The following TUB variants were observed in gnomAD, a reference collection of about 807,000 sequenced individuals.
The protein encoded by TUB is tubby protein homolog.
In TUB, 33 loss-of-function variants were observed where a neutral mutation model predicts 59.7. The ratio of observed to expected loss-of-function variants is 0.55; its 90% CI spans 0.42 to 0.74. The LOEUF (loss-of-function observed/expected upper bound fraction) is 0.74, where lower values mean the gene tolerates loss of function less well. Among genes scored for constraint, TUB ranks in the 30% least tolerant of loss-of-function variants. The probability of loss-of-function intolerance (pLI) is 0.00; values close to 1 mark genes in which losing one functional copy is unlikely to be tolerated. For missense variants in TUB, 659 were observed against 672.0 expected (o/e 0.98, Z 0.21); for synonymous variants, 293 against 256.4 (o/e 1.14, Z -1.36).
intron 1 of TUB, among the ~76,000 whole-genome samples, chr11:8,019,889 C>T (rs1327254959): frequency 6.6e-6 from 1 of 152,150 alleles, no homozygotes; most frequent in Admixed American, 6.5e-5. Context: ...GAGATGGCAG[C>T]CTGGGCCGGC....
At chr11:8,037,499 T>A (rs903056197), upstream of TUB, among the ~76,000 whole-genome samples, 1 of 152,180 alleles carries the variant, frequency 6.6e-6, no homozygotes, top group Non-Finnish European at 1.5e-5. Context: ...TGGGGTGGGG[T>A]CAGCAATGTC....
intron 2 of TUB, among the ~76,000 whole-genome samples, chr11:8,057,517 G>A (rs1049747038): frequency 1.3e-5 from 2 of 152,178 alleles, no homozygotes; most frequent in Admixed American, 6.5e-5. Context: ...AGACATAAGT[G>A]ATTAACTTCT....
At chr11:8,046,081 C>G (rs1180065903) in intron 2 of TUB, among the ~76,000 whole-genome samples, 4 of 152,094 alleles carry the variant, frequency 2.6e-5, no homozygotes, top group Non-Finnish European at 4.4e-5. Flanking sequence ...CGTTATCTCC[C>G]TCCCCTCCCT....
At chr11:8,041,083 G>C (rs945102977) in intron 2 of TUB, among the ~76,000 whole-genome samples, 1 of 152,192 alleles carries the variant, frequency 6.6e-6, no homozygotes, top group Non-Finnish European at 1.5e-5. Flanking sequence ...GTAGTCCTTT[G>C]GCCATGACCT....
rs1321906423 is a variant in TUB at position 8,089,145 on chromosome 11, C to T, written c.39-465C>T. Reference sequence around the variant, plus strand: ...TTCAACGGATGGGGAAAGGGTCTGCCCCAGAGGACGCAGCCTCCTCTAGAA... The same window carrying T: ...TTCAACGGATGGGGAAAGGGTCTGCTCCAGAGGACGCAGCCTCCTCTAGAA... On this transcript the variant is annotated intron_variant, in intron 1 of 11. Transcript: ENST00000299506. 2.0e-5 allele frequency among the ~76,000 whole-genome samples: 3 copies of T among 152,156 alleles called. No homozygotes were observed. In the East Asian group the frequency reaches 5.8e-4, roughly 29 times the overall value.
intron 2 of TUB, among the ~76,000 whole-genome samples, chr11:8,059,306 G>T (rs558222135): frequency 6.6e-6 from 1 of 152,168 alleles, no homozygotes; most frequent in African/African-American, 2.4e-5. Context: ...CCCAGCAGAG[G>T]AGACATCCAG....
chr11:8,065,274 C>A (rs1414808693), intron 2 of TUB, among the ~76,000 whole-genome samples: 1 of 152,184 alleles, frequency 6.6e-6, no homozygotes, highest in Non-Finnish European at 1.5e-5. Context: ...CTCCCTTTCC[C>A]TCTCATTCCT....
chr11:8,074,284 C>A (rs540452686), intron 2 of TUB, among the ~76,000 whole-genome samples: 42 of 152,204 alleles, frequency 2.8e-4, no homozygotes, highest in African/African-American at 9.2e-4. Flanking sequence ...GAGGATGTGG[C>A]CCCTAGGGTG....
chr11:8,036,049 C>A (rs917750601), upstream of TUB: 1 of 152,302 alleles, frequency 6.6e-6, no homozygotes, highest in African/African-American at 2.4e-5. Flanking sequence ...CCTGGCTGTG[C>A]TCCACTAGCC....
chr11:8,080,173 G>T (rs1168431644), upstream of TUB, among the ~76,000 whole-genome samples: 1 of 152,170 alleles, frequency 6.6e-6, no homozygotes, highest in Non-Finnish European at 1.5e-5. Flanking sequence ...ATCATCAGAA[G>T]ATCCCCGCAC....
chr11:8,078,587 G>A (rs1247523575), upstream of TUB, among the ~76,000 whole-genome samples: 3 of 152,066 alleles, frequency 2.0e-5, no homozygotes, highest in African/African-American at 4.8e-5. Flanking sequence ...CATGCATTCT[G>A]AGTAGAATGT....
chr11:8,072,294 G>C (rs967971429), intron 2 of TUB, among the ~76,000 whole-genome samples: 1 of 152,128 alleles, frequency 6.6e-6, no homozygotes, highest in Non-Finnish European at 1.5e-5. Flanking sequence ...GAGATGCAGA[G>C]GGGGAAGGGA....
In TUB at chr11:8,097,833, G is replaced by A. The variant is rs1589983561; in HGVS notation, c.998+7G>A. 2 of 1,610,410 alleles carry A rather than the reference G, an allele frequency of 1.2e-6. No homozygotes were observed. The highest frequency in any genetic ancestry group is 3.3e-5 in the Admixed American group (2 of 59,902). ...GCTATATCGGGAAACTGCGGTACTA[G>A]CATTCCCCCAGGAAGCAGGCGGGAG... On this transcript the variant is annotated splice_region_variant and intron_variant, in intron 8 of 11. Coordinates refer to ENST00000299506, the MANE Select transcript of TUB (RefSeq NM_177972.3).
At chr11:8,093,590 T>C (rs1236194834) in intron 3 of TUB, among the ~76,000 whole-genome samples, 1 of 152,150 alleles carries the variant, frequency 6.6e-6, no homozygotes, top group Non-Finnish European at 1.5e-5. Context: ...CAGCCTCCCA[T>C]GGGCTCATCC....
At chr11:8,095,464 C>T (rs1437586631) in intron 4 of TUB, 34 bp from the exon 5 acceptor site, 1 of 1,578,832 alleles carries the variant, frequency 6.3e-7, no homozygotes, top group African/African-American at 1.3e-5. Context: ...TCTCCTCCTC[C>T]TGGATGTAAC....
chr11:8,101,547 C>T lies in TUB; in HGVS notation c.1449C>T (p.Asn483=), dbSNP rs150185181. The T allele has an allele frequency of 3.6e-5, 58 of 1,614,140 alleles. No individual in the cohort carries two copies. The African/African-American group carries it at 6.7e-4, about 19-fold the overall frequency. ...VAEDVFTMDY[N]YPLCALQAFA... is the part of the protein sequence containing the mutation. Reference sequence around the variant, plus strand: ...AGGATGTGTTCACCATGGATTACAACTACCCGCTGTGTGCACTGCAGGCCT... The same window carrying T: ...AGGATGTGTTCACCATGGATTACAATTACCCGCTGTGTGCACTGCAGGCCT... Residue 483 remains asparagine, a synonymous_variant, in exon 12 of 12, where the codon AAC becomes AAT. Coordinates refer to ENST00000299506, the MANE Select transcript of TUB (RefSeq NM_177972.3).
In TUB at chr11:8,019,487, CCCTCGGGCATCCGGGACCCAGAG is replaced by C. The variant is rs1186030929; in HGVS notation, c.56+137_56+159del. 1.9e-3 allele frequency: 1,794 copies of C among 923,320 alleles called. 6 individuals are homozygous for C. Among genetic ancestry groups the C allele is most frequent in the Non-Finnish European group, 2.3e-3 (1,608 of 710,934 alleles). 57.2% of individuals were successfully genotyped at this position (923,320 alleles called of 1,614,324 possible). A position where few individuals can be genotyped will look rare whatever the true frequency, so the allele number is the denominator to read the frequency against. The stretch of plus-strand genomic sequence containing the variant: ...CCCAGGGTGGGCTTGGGCACCCGGA[CCCTCGGGCATCCGGGACCCAGAG>C]CCTCGGGTACGGCGCAGCGGAGCTC... On this transcript the variant is annotated intron_variant, in intron 1 of 11. Coordinates refer to the TUB transcript ENST00000534099.
intron 2 of TUB, among the ~76,000 whole-genome samples, chr11:8,052,818 T>C (rs551468576): frequency 6.6e-6 from 1 of 152,344 alleles, no homozygotes; most frequent in Admixed American, 6.5e-5. Flanking sequence ...TTCTGATATG[T>C]AGAAAAGCCA....
chr11:8,023,382 C>T (rs1324506495), intron 1 of TUB, among the ~76,000 whole-genome samples: 2 of 152,192 alleles, frequency 1.3e-5, no homozygotes, highest in Non-Finnish European at 2.9e-5. Flanking sequence ...TACATTTTTA[C>T]AATTTCTGGC....
Sources: gnomAD v4.1 joint callset for allele counts (sites outside exome capture counted in the v4.1 genomes callset) on GRCh38, gnomAD v4.1.1 for gene constraint, MANE v1.5 for transcripts, NCBI Gene and HGNC (gene_info 2026-07-23, HGNC 2026-07-21) for gene names.